Variants in PRR5L observed in about 807,000 individuals in gnomAD.
The protein encoded by PRR5L is proline rich 5 like.
In PRR5L, 21 loss-of-function variants were observed where a neutral mutation model predicts 36.4. The observed-to-expected ratio is 0.58, with a 90% CI of 0.41 to 0.83. PRR5L has a LOEUF of 0.83. Ranked by LOEUF, PRR5L falls within the 40% of genes least tolerant of loss-of-function variation. The probability of loss-of-function intolerance (pLI) is 0.00; values close to 1 mark genes in which losing one functional copy is unlikely to be tolerated. For missense variants in PRR5L, 381 were observed against 473.3 expected (o/e 0.80, Z 1.81); for synonymous variants, 188 against 197.0 (o/e 0.95, Z 0.38).
chr11:36,338,907 C>T (rs1975541), intron 1 of PRR5L, among the ~76,000 whole-genome samples: 129,654 of 152,004 alleles, frequency 0.85, 55,534 homozygotes, highest in East Asian at 0.99. Context: ...TGGGAGGTAA[C>T]TGAGTCACGG....
At chr11:36,374,088 T>G (rs985777813) in intron 1 of PRR5L, among the ~76,000 whole-genome samples, 44 of 116,674 alleles carry the variant, frequency 3.8e-4, no homozygotes, top group South Asian at 3.2e-3. Flanking sequence ...CTTCCTTCCT[T>G]CCTTCCTTCC....
At chr11:36,416,578 TC>T (rs1481918389) in intron 3 of PRR5L, among the ~76,000 whole-genome samples, 1 of 152,170 alleles carries the variant, frequency 6.6e-6, no homozygotes, top group Non-Finnish European at 1.5e-5. Context: ...TACCATCTCA[TC>T]CCCCCTGTTA....
chr11:36,423,306 C>T (rs752174278), intron 4 of PRR5L, among the ~76,000 whole-genome samples: 19 of 152,198 alleles, frequency 1.2e-4, no homozygotes, highest in Non-Finnish European at 2.4e-4. Flanking sequence ...CTGCTCATAT[C>T]TGCAAGAGTC....
chr11:36,431,188 G>A (rs1468215071), intron 4 of PRR5L, among the ~76,000 whole-genome samples: 1 of 152,202 alleles, frequency 6.6e-6, no homozygotes, highest in African/African-American at 2.4e-5. Flanking sequence ...GACCAGGTCT[G>A]TCTGCCTTGA....
chr11:36,393,285 T>A (rs1857597011), intron 1 of PRR5L, among the ~76,000 whole-genome samples: 1 of 152,310 alleles, frequency 6.6e-6, no homozygotes, highest in South Asian at 2.1e-4. Flanking sequence ...GTTTCCCTAA[T>A]GCTTTCTTTT....
rs1385653750 is a variant in PRR5L at position 36,330,708 on chromosome 11, T to G, written c.-126+34270T>G. The stretch of plus-strand genomic sequence containing the variant: ...ATTGATAAGAAAATTTCATTGTCTC[T>G]GTGACATATTAATACAACATTTAGA... On this transcript the variant is annotated intron_variant, in intron 1 of 8. Transcript: ENST00000530639. Among the ~76,000 whole-genome samples, 2 of 152,248 alleles carry G rather than the reference T, an allele frequency of 1.3e-5. 1 individual carries two copies. The highest frequency in any genetic ancestry group is 2.9e-5 in the Non-Finnish European group (2 of 68,048).
intron 1 of PRR5L, among the ~76,000 whole-genome samples, chr11:36,353,775 G>A (rs2133495479): frequency 6.6e-6 from 1 of 152,294 alleles, no homozygotes; most frequent in Non-Finnish European, 1.5e-5. Context: ...AGCTCAGCTA[G>A]TAATGCTTGC....
At chr11:36,381,027 T>G (rs899212095) in intron 1 of PRR5L, among the ~76,000 whole-genome samples, 11 of 152,234 alleles carry the variant, frequency 7.2e-5, no homozygotes, top group Non-Finnish European at 1.5e-4. Context: ...TAGCATAGAA[T>G]TATATGTTAC....
chr11:36,424,528 G>A (rs1397963420), intron 4 of PRR5L, among the ~76,000 whole-genome samples: 3 of 152,232 alleles, frequency 2.0e-5, no homozygotes, highest in Admixed American at 1.3e-4. Context: ...AACACTCAGT[G>A]ATTCAGTGGG....
chr11:36,351,651 TTATATAAA>T (rs1342480081), intron 1 of PRR5L, among the ~76,000 whole-genome samples: 782 of 11,278 alleles, frequency 0.069, 316 homozygotes, highest in East Asian at 0.2. Flanking sequence ...ATTTATATAT[TTATATAAA>T]TATATATTTA....
intron 1 of PRR5L, among the ~76,000 whole-genome samples, chr11:36,364,587 C>G (rs1294920182): frequency 6.6e-6 from 1 of 152,144 alleles, no homozygotes; most frequent in Non-Finnish European, 1.5e-5. Flanking sequence ...AGTAAGTGCT[C>G]AGTAAATTTT....
At chr11:36,316,562 T>C (rs1368253936) in intron 1 of PRR5L, among the ~76,000 whole-genome samples, 2 of 152,094 alleles carry the variant, frequency 1.3e-5, no homozygotes, top group South Asian at 4.1e-4. Context: ...AAATGAGGTT[T>C]TCTTGCTGTC....
intron 1 of PRR5L, among the ~76,000 whole-genome samples, chr11:36,370,857 G>T (rs1245434803): frequency 1.6e-5 from 2 of 124,894 alleles, no homozygotes; most frequent in African/African-American, 3.1e-5. Context: ...CTCCAGCCTG[G>T]GCAACAGTGG....
intron 1 of PRR5L, among the ~76,000 whole-genome samples, chr11:36,311,796 T>C (rs866532968): frequency 2.0e-5 from 3 of 152,220 alleles, no homozygotes; most frequent in Admixed American, 6.5e-5. Context: ...CTCTGAGCTC[T>C]AGCCAATTGA....
intron 6 of PRR5L, among the ~76,000 whole-genome samples, chr11:36,437,873 G>A (rs955938137): frequency 6.6e-6 from 1 of 151,986 alleles, no homozygotes; most frequent in Admixed American, 6.6e-5. Flanking sequence ...TAATTTTAAA[G>A]CAAGTTTGCC....
At chr11:36,378,277 CG>C (rs1857312108) in intron 1 of PRR5L, among the ~76,000 whole-genome samples, 1 of 152,168 alleles carries the variant, frequency 6.6e-6, no homozygotes, top group East Asian at 1.9e-4. Flanking sequence ...GTATGACTGA[CG>C]AAGGTGCAGG....
intron 1 of PRR5L, among the ~76,000 whole-genome samples, chr11:36,322,056 G>C (rs1316412101): frequency 1.3e-5 from 2 of 152,160 alleles, no homozygotes; most frequent in African/African-American, 4.8e-5. Flanking sequence ...GCTTGTGAGG[G>C]ATGTAATCAA....
intron 1 of PRR5L, among the ~76,000 whole-genome samples, chr11:36,347,677 C>G (rs1856880770): frequency 6.6e-6 from 1 of 151,818 alleles, no homozygotes; most frequent in Admixed American, 6.6e-5. Flanking sequence ...GAGAAAGGAA[C>G]TGTTACCCAT....
chr11:36,418,566 G>A (rs1337026977), intron 3 of PRR5L, among the ~76,000 whole-genome samples: 1 of 152,164 alleles, frequency 6.6e-6, no homozygotes, highest in African/African-American at 2.4e-5. Context: ...GGAGGCCGAG[G>A]CGGGCGGATC....
Sources: gnomAD v4.1 joint callset for allele counts (sites outside exome capture counted in the v4.1 genomes callset) on GRCh38, gnomAD v4.1.1 for gene constraint, MANE v1.5 for transcripts, NCBI Gene and HGNC (gene_info 2026-07-23, HGNC 2026-07-21) for gene names.